PKN2: variants seen among roughly 807,000 people sequenced by gnomAD.
PKN2 encodes the protein serine/threonine-protein kinase N2.
In PKN2, 38 loss-of-function variants were observed where a neutral mutation model predicts 119.1. That is an observed-to-expected ratio of 0.32 (90% CI 0.25 to 0.42). The LOEUF is 0.42. PKN2 is among the 10% of genes least tolerant of loss of function. The probability of loss-of-function intolerance (pLI) is 1.00; values close to 1 mark genes in which losing one functional copy is unlikely to be tolerated. For synonymous variants in PKN2, 390 were observed against 384.9 expected (o/e 1.01, Z -0.15); for missense variants, 850 against 1,165.1 (o/e 0.73, Z 3.94).
At chr1:88,697,306 A>G (rs994978194) in intron 1 of PKN2, among the ~76,000 whole-genome samples, 1 of 152,194 alleles carries the variant, frequency 6.6e-6, no homozygotes, top group Non-Finnish European at 1.5e-5. Flanking sequence ...GAATAAATAA[A>G]TGAACAGATT....
In PKN2 at chr1:88,768,008, T is replaced by A. The variant is rs114515466; in HGVS notation, c.505-2344T>A. On this transcript the variant is annotated intron_variant, in intron 3 of 21. Transcript: ENST00000370521. ...GCTATTTTATCCAAATTAGTACTGA[T>A]TGCCTTAGTGATTAAAAATAGAGAT... Among the ~76,000 whole-genome samples the A allele has an allele frequency of 6.6e-3, 1,003 of 152,324 alleles. 15 individuals carry two copies. Among genetic ancestry groups the A allele is most frequent in the African/African-American group, 0.023 (949 of 41,572 alleles).
chr1:88,709,617 T>C (rs1039296185), intron 1 of PKN2, among the ~76,000 whole-genome samples: 2 of 152,192 alleles, frequency 1.3e-5, no homozygotes, highest in African/African-American at 4.8e-5. Flanking sequence ...ATTAGGAACA[T>C]ATAGATCATT....
At chr1:88,721,657 T>G (rs75493520) in intron 1 of PKN2, among the ~76,000 whole-genome samples, 4 of 152,336 alleles carry the variant, frequency 2.6e-5, no homozygotes, top group African/African-American at 9.6e-5. Flanking sequence ...GGTATTATGG[T>G]AAGTTAATTA....
chr1:88,795,132 T>C (rs958574880), intron 8 of PKN2, among the ~76,000 whole-genome samples: 3 of 152,242 alleles, frequency 2.0e-5, no homozygotes, highest in African/African-American at 7.2e-5. Flanking sequence ...TTTTGTTTTA[T>C]AGATTAGATT....
intron 1 of PKN2, among the ~76,000 whole-genome samples, chr1:88,686,071 T>C (rs900640118): frequency 6.6e-6 from 1 of 152,190 alleles, no homozygotes; most frequent in Non-Finnish European, 1.5e-5. Context: ...GTTAGCCTTT[T>C]ATAAGCAGAT....
At chr1:88,753,803 G>A (rs78195090) in intron 2 of PKN2, among the ~76,000 whole-genome samples, 2,943 of 152,040 alleles carry the variant, frequency 0.019, 95 homozygotes, top group African/African-American at 0.066. Context: ...GTCACCTCCC[G>A]CCAGGCCTCA....
At chr1:88,800,628 C>T (rs555835795) in intron 8 of PKN2, among the ~76,000 whole-genome samples, 5 of 152,212 alleles carry the variant, frequency 3.3e-5, no homozygotes, top group African/African-American at 9.6e-5. Flanking sequence ...AGTGAAAATA[C>T]TCTCTGGCAC....
intron 8 of PKN2, among the ~76,000 whole-genome samples, chr1:88,799,583 G>A (rs549078240): frequency 2.6e-5 from 4 of 152,168 alleles, no homozygotes; most frequent in Non-Finnish European, 4.4e-5. Flanking sequence ...AAGGAAAGTC[G>A]CAGTGTGTAT....
rs150134209 is a variant in PKN2 at position 88,800,880 on chromosome 1, A to G, written c.1282-3511A>G. On this transcript the variant is annotated intron_variant, in intron 8 of 21. Coordinates refer to ENST00000370521, the MANE Select transcript of PKN2 (RefSeq NM_006256.4). Reference sequence around the variant, plus strand: ...AGTTTTCTCTTTGATTCTAGATTCAATTCATAATAAGACAAACTGAAACAC... The same window carrying G: ...AGTTTTCTCTTTGATTCTAGATTCAGTTCATAATAAGACAAACTGAAACAC... Among the ~76,000 whole-genome samples the G allele has an allele frequency of 2.5e-3, 382 of 152,280 alleles. 11 individuals are homozygous for G. The highest frequency in any genetic ancestry group is 0.019 in the Admixed American group (287 of 15,296).
At position 88,813,548 on chromosome 1, in the gene PKN2, C is replaced by A. The variant is rs375621697; in HGVS notation, c.2103-9C>A. 196 of 1,511,542 alleles carry A rather than the reference C, an allele frequency of 1.3e-4. No individual in the cohort carries two copies. The highest frequency in any genetic ancestry group is 1.7e-4 in the Non-Finnish European group (186 of 1,119,322). The allele number at this position is 1,511,542 out of a possible 1,614,324, so 93.6% of individuals were successfully genotyped here. Reference sequence around the variant, plus strand: ...TAATCTGCTTATTTTAAAATATTTTCTTTTACAGCCTGATGTGTGAAAAAA... The same window carrying A: ...TAATCTGCTTATTTTAAAATATTTTATTTTACAGCCTGATGTGTGAAAAAA... On this transcript the variant is annotated splice_polypyrimidine_tract_variant and intron_variant, in intron 15 of 21. Transcript: ENST00000370521.
At chr1:88,734,422 G>A (rs1668260918) in intron 1 of PKN2, among the ~76,000 whole-genome samples, 1 of 152,126 alleles carries the variant, frequency 6.6e-6, no homozygotes, top group Non-Finnish European at 1.5e-5. Context: ...ATTCTCTCAT[G>A]TGGATATCCA....
chr1:88,808,680 CTA>C (rs910708244), intron 15 of PKN2, among the ~76,000 whole-genome samples: 2 of 152,110 alleles, frequency 1.3e-5, no homozygotes, highest in African/African-American at 4.8e-5. Flanking sequence ...TAAAAAATGA[CTA>C]TCTTAATACA....
At chr1:88,775,307 C>G (rs1670049233) in intron 6 of PKN2, among the ~76,000 whole-genome samples, 1 of 152,144 alleles carries the variant, frequency 6.6e-6, no homozygotes, top group Non-Finnish European at 1.5e-5. Flanking sequence ...CACCTCACTT[C>G]CTCCGTAGTT....
chr1:88,723,364 C>T lies in PKN2; in HGVS notation c.49-17624C>T, dbSNP rs547078059. Among the ~76,000 whole-genome samples the T allele has an allele frequency of 2.1e-3, 314 of 151,616 alleles. 2 individuals are homozygous for T. Among genetic ancestry groups the T allele is most frequent in the Non-Finnish European group, 3.9e-3 (262 of 67,942 alleles). ...CTGACCTCAGGTGATCCACCCACCT[C>T]GGCCTCCTAAAGTGCTGGGATTACA... is the stretch of plus-strand genomic sequence containing the variant. On this transcript the variant is annotated intron_variant, in intron 1 of 21. Transcript: ENST00000370521.
chr1:88,702,165 T>A (rs1213113481), intron 1 of PKN2, among the ~76,000 whole-genome samples: 1 of 152,078 alleles, frequency 6.6e-6, no homozygotes, highest in African/African-American at 2.4e-5. Context: ...CACCATGTTG[T>A]CCAAGGTGGT....
At chr1:88,761,918 C>CT (rs1284216834) in intron 3 of PKN2, among the ~76,000 whole-genome samples, 5 of 151,502 alleles carry the variant, frequency 3.3e-5, no homozygotes, top group East Asian at 1.9e-4. Context: ...TTATTTTGAC[C>CT]TTTTTTTTAA....
intron 15 of PKN2, among the ~76,000 whole-genome samples, chr1:88,808,845 C>A (rs1056168767): frequency 5.3e-5 from 8 of 152,158 alleles, no homozygotes; most frequent in African/African-American, 1.7e-4. Flanking sequence ...TGGACTATGA[C>A]TGAGAAGGCT....
intron 16 of PKN2, among the ~76,000 whole-genome samples, chr1:88,819,817 A>G (rs1032298408): frequency 4.6e-5 from 7 of 152,180 alleles, no homozygotes; most frequent in African/African-American, 1.4e-4. Flanking sequence ...ACCATGAAAT[A>G]CTATACAGCC....
chr1:88,687,417 T>C (rs1357267768), intron 1 of PKN2, among the ~76,000 whole-genome samples: 1 of 152,198 alleles, frequency 6.6e-6, no homozygotes, highest in Non-Finnish European at 1.5e-5. Flanking sequence ...GTATTCTCTT[T>C]TTTTATTTGA....
Sources: allele counts gnomAD v4.1 joint callset (sites outside exome capture counted in the v4.1 genomes callset), GRCh38; gene constraint gnomAD v4.1.1; transcripts MANE v1.5; gene names NCBI Gene and HGNC (gene_info 2026-07-23, HGNC 2026-07-21).